Variants in CHRM3 observed in about 807,000 individuals in gnomAD.
CHRM3 encodes muscarinic acetylcholine receptor M3.
Under a neutral mutation model 41.8 loss-of-function variants are expected in CHRM3, and 11 were observed. That is an observed-to-expected ratio of 0.26 (90% CI 0.17 to 0.44). The LOEUF is 0.44. Ranked by LOEUF, CHRM3 falls within the 20% of genes least tolerant of loss-of-function variation. CHRM3 has a pLI of 1.00. For synonymous variants in CHRM3, 297 were observed against 301.4 expected, an observed-to-expected ratio of 0.99 and a Z score of 0.15; for missense variants, 571 against 745.4, an observed-to-expected ratio of 0.77 and a Z score of 2.72.
intron 1 of CHRM3, among the ~76,000 whole-genome samples, chr1:239,413,475 A>G (rs916871010): frequency 6.6e-6 from 1 of 152,060 alleles, no homozygotes; most frequent in South Asian, 2.1e-4. Context: ...TTTTGTAGAG[A>G]TGAGGTTTCT....
chr1:239,554,106 C>G (rs1458042725), intron 3 of CHRM3, among the ~76,000 whole-genome samples: 1 of 152,136 alleles, frequency 6.6e-6, no homozygotes, highest in Non-Finnish European at 1.5e-5. Context: ...CCAGTCTGGT[C>G]TCGAATGCCT....
rs114460970 is a variant in CHRM3, at chr1:239,413,898, C to T, written c.-521+26671C>T. Among the ~76,000 whole-genome samples the T allele has an allele frequency of 2.5e-3, 373 of 152,158 alleles. 2 individuals carry two copies. The highest frequency in any genetic ancestry group is 8.6e-3 in the African/African-American group (355 of 41,498). ...GTTTTTCATTGTGATTGTAAATGTT[C>T]GCTTTGGTTTTAAAAATCAGATTGA... On this transcript the variant is annotated intron_variant, in intron 1 of 6. Coordinates refer to ENST00000676153, the MANE Select transcript of CHRM3 (RefSeq NM_001375978.1).
chr1:239,738,061 A>T (rs887374580), intron 5 of CHRM3, among the ~76,000 whole-genome samples: 3 of 152,196 alleles, frequency 2.0e-5, no homozygotes, highest in African/African-American at 7.2e-5. Context: ...TCTTTAATTT[A>T]TCTAATTGTT....
At chr1:239,770,437 T>A (rs1338210521) in intron 5 of CHRM3, among the ~76,000 whole-genome samples, 1 of 152,202 alleles carries the variant, frequency 6.6e-6, no homozygotes. Context: ...TTGGTTTAAC[T>A]TGGGATTTGA....
chr1:239,785,547 C>T (rs1435931347), intron 5 of CHRM3, among the ~76,000 whole-genome samples: 1 of 152,202 alleles, frequency 6.6e-6, no homozygotes, highest in Non-Finnish European at 1.5e-5. Context: ...TCTCTGCCCT[C>T]GTCAGTCTTC....
chr1:239,642,171 C>T lies in CHRM3; in HGVS notation c.-250+9885C>T, dbSNP rs558867711. On this transcript the variant is annotated intron_variant, in intron 4 of 6. Transcript: ENST00000676153. ...GATGGGCTTCCCTTTGTGGGTAACC[C>T]GACCTTTCTCTCTGGCTGCCCTTAA... is the stretch of plus-strand genomic sequence containing the variant. Among the ~76,000 whole-genome samples the T allele has an allele frequency of 5.7e-5, 8 of 141,320 alleles. 1 individual carries two copies. Among genetic ancestry groups the T allele is most frequent in the Admixed American group, 2.9e-4 (4 of 14,012 alleles). The allele number at this position is 141,320 out of a possible 152,430, so 92.7% of individuals were successfully genotyped here.
At chr1:239,560,528 C>A (rs1343588042) in intron 3 of CHRM3, among the ~76,000 whole-genome samples, 1 of 152,048 alleles carries the variant, frequency 6.6e-6, no homozygotes, top group Non-Finnish European at 1.5e-5. Context: ...CAATACATTC[C>A]CATTTTTACA....
chr1:239,621,698 G>T (rs1046530751), intron 3 of CHRM3, among the ~76,000 whole-genome samples: 7 of 152,204 alleles, frequency 4.6e-5, no homozygotes, highest in African/African-American at 1.7e-4. Context: ...TGAAGGCTGA[G>T]AGAGGAAAGG....
intron 5 of CHRM3, among the ~76,000 whole-genome samples, chr1:239,794,442 T>G (rs904336684): frequency 2.8e-4 from 42 of 151,368 alleles, no homozygotes; most frequent in African/African-American, 9.7e-4. Context: ...TTGGGTTAGA[T>G]GATTTACTGT....
intron 1 of CHRM3, among the ~76,000 whole-genome samples, chr1:239,440,255 T>C (rs1424569093): frequency 6.7e-6 from 1 of 149,180 alleles, no homozygotes; most frequent in Admixed American, 6.7e-5. Context: ...CTGAGCCTGA[T>C]AAATTTACAT....
intron 3 of CHRM3, among the ~76,000 whole-genome samples, chr1:239,574,604 CT>C (rs1401890155): frequency 1.3e-5 from 2 of 152,078 alleles, no homozygotes. Flanking sequence ...TCAAATTATT[CT>C]TTTTTGCCTT....
intron 4 of CHRM3, among the ~76,000 whole-genome samples, chr1:239,653,190 A>G (rs1450619999): frequency 5.9e-5 from 9 of 152,160 alleles, no homozygotes; most frequent in Non-Finnish European, 1.2e-4. Context: ...GAGTCAGTAG[A>G]TGGAAAATTC....
At chr1:239,757,354 G>A (rs1480006004) in intron 5 of CHRM3, among the ~76,000 whole-genome samples, 2 of 152,074 alleles carry the variant, frequency 1.3e-5, no homozygotes, top group Admixed American at 1.3e-4. Context: ...CTGTAGAAAA[G>A]ACATCCTCTC....
chr1:239,654,411 G>T (rs535384529), intron 4 of CHRM3, among the ~76,000 whole-genome samples: 1 of 152,076 alleles, frequency 6.6e-6, no homozygotes, highest in Non-Finnish European at 1.5e-5. Flanking sequence ...GTTTTGTTTT[G>T]CTTTTGAGAC....
intron 5 of CHRM3, among the ~76,000 whole-genome samples, chr1:239,696,767 C>T (rs1481709287): frequency 6.6e-6 from 1 of 152,084 alleles, no homozygotes; most frequent in Admixed American, 6.6e-5. Flanking sequence ...TTTAGTTTTT[C>T]TATTAACTGA....
chr1:239,498,653 T>C (rs1315907943), intron 2 of CHRM3, among the ~76,000 whole-genome samples: 1 of 152,178 alleles, frequency 6.6e-6, no homozygotes, highest in Admixed American at 6.5e-5. Context: ...TCATCAGTGC[T>C]GTAATGGACA....
chr1:239,581,151 T>G lies in CHRM3; in HGVS notation c.-313+35402T>G, dbSNP rs140631381. Among the ~76,000 whole-genome samples, 534 of 152,232 alleles carry G rather than the reference T, an allele frequency of 3.5e-3. 4 individuals carry two copies. Among genetic ancestry groups the G allele is most frequent in the African/African-American group, 0.012 (508 of 41,548 alleles). On this transcript the variant is annotated intron_variant, in intron 3 of 6. Transcript: ENST00000676153. ...TACCATCGTGGACCCTGTACTCTTA[T>G]GCACATGGCTTTGTTTCTTGAATAG...
intron 3 of CHRM3, among the ~76,000 whole-genome samples, chr1:239,610,651 C>T (rs557653280): frequency 6.0e-4 from 91 of 152,304 alleles, no homozygotes; most frequent in African/African-American, 2.1e-3. Context: ...CAAGGAAAGA[C>T]ACTTTCCCAA....
chr1:239,780,041 C>A (rs1668396340), intron 5 of CHRM3, among the ~76,000 whole-genome samples: 1 of 152,156 alleles, frequency 6.6e-6, no homozygotes, highest in Non-Finnish European at 1.5e-5. Flanking sequence ...TGGAGGACAT[C>A]TTGGTTGCTT....
Sources: allele counts gnomAD v4.1 joint callset (sites outside exome capture counted in the v4.1 genomes callset), GRCh38; gene constraint gnomAD v4.1.1; transcripts MANE v1.5; gene names NCBI Gene and HGNC (gene_info 2026-07-23, HGNC 2026-07-21).